PTPRS: variants seen among roughly 807,000 people sequenced by gnomAD.
PTPRS encodes the protein receptor-type tyrosine-protein phosphatase S.
Under a neutral mutation model 215.3 loss-of-function variants are expected in PTPRS, and 63 were observed. The observed-to-expected ratio is 0.29, with a 90% CI of 0.24 to 0.36. The LOEUF (loss-of-function observed/expected upper bound fraction) is 0.36, where lower values mean the gene tolerates loss of function less well. Among genes scored for constraint, PTPRS ranks in the 10% least tolerant of loss-of-function variants. The probability of loss-of-function intolerance (pLI) is 1.00; values close to 1 mark genes in which losing one functional copy is unlikely to be tolerated. For synonymous variants in PTPRS, 1,404 were observed against 1,191.4 expected (o/e 1.18, Z -3.68); for missense variants, 2,258 against 2,825.8 (o/e 0.80, Z 4.56).
intron 1 of PTPRS, among the ~76,000 whole-genome samples, chr19:5,322,117 C>T (rs2050038639): frequency 6.6e-6 from 1 of 152,202 alleles, no homozygotes; most frequent in East Asian, 1.9e-4. Context: ...TCTGAGGTTT[C>T]CTGACCTGAC....
intron 2 of PTPRS, chr19:5,277,884 G>A (rs1158102834): frequency 5.5e-6 from 6 of 1,092,602 alleles, no homozygotes; most frequent in Admixed American, 5.1e-5. Context: ...GAACGTTCAA[G>A]GGCCAGATCT....
intron 2 of PTPRS, among the ~76,000 whole-genome samples, chr19:5,275,394 T>C (rs1226764397): frequency 2.6e-5 from 4 of 151,758 alleles, no homozygotes; most frequent in Non-Finnish European, 4.4e-5. Context: ...TTTTCTTTTT[T>C]TTTTTCCTGA....
chr19:5,258,125 C>G lies in PTPRS; in HGVS notation c.598G>C (p.Ala200Pro). 1 of 1,613,742 alleles carries G rather than the reference C, an allele frequency of 6.2e-7. No homozygotes were observed. The highest frequency in any genetic ancestry group is 8.5e-7 in the Non-Finnish European group (1 of 1,179,620). ...TCCTCACTGCTTTCAATCTGCAGGG[C>G]TCCTGTGGGAAGATGGGAAAAAGCT... is the stretch of plus-strand genomic sequence containing the variant. The part of the protein sequence containing the change: ...ETFESTPIRG[A>P]LQIESSEETD... The change falls in exon 8 of 38, where the codon GCC becomes CCC. Residue 200 changes from alanine to proline, a missense_variant and splice_region_variant. This residue lies in a region of PTPRS where 508 missense variants were observed against 799.4 expected (regional missense o/e 0.64). Coordinates refer to ENST00000262963, the MANE Select transcript of PTPRS (RefSeq NM_002850.4).
intron 9 of PTPRS, among the ~76,000 whole-genome samples, chr19:5,253,563 G>T (rs1298977514): frequency 1.3e-5 from 2 of 152,178 alleles, no homozygotes; most frequent in African/African-American, 2.4e-5. Flanking sequence ...TGACAGTGGG[G>T]AAAATGAGAG....
intron 1 of PTPRS, among the ~76,000 whole-genome samples, chr19:5,297,832 G>A (rs755254536): frequency 2.1e-4 from 28 of 135,722 alleles, no homozygotes; most frequent in Non-Finnish European, 3.7e-4. Context: ...TCGTTCCATC[G>A]CCCAGGCTGG....
At chr19:5,281,049 C>T (rs28707324) in intron 2 of PTPRS, among the ~76,000 whole-genome samples, 5 of 151,922 alleles carry the variant, frequency 3.3e-5, no homozygotes, top group African/African-American at 1.2e-4. Context: ...ACCTCAGCCT[C>T]CCAAAGTGCT....
intron 2 of PTPRS, among the ~76,000 whole-genome samples, chr19:5,275,943 T>G (rs1252999181): frequency 6.6e-6 from 1 of 152,050 alleles, no homozygotes; most frequent in Non-Finnish European, 1.5e-5. Flanking sequence ...CTCAAACTCC[T>G]AGCCTCGAGC....
Position 5,220,166 on chromosome 19 carries a change from G to A in PTPRS, c.3550-12C>T, listed in dbSNP as rs372527254. 20 of 1,609,904 alleles carry A rather than the reference G, an allele frequency of 1.2e-5. No homozygotes were observed. The highest frequency in any genetic ancestry group is 1.7e-4 in the Middle Eastern group (1 of 6,052). Reference sequence around the variant, plus strand: ...ATGTCCTGGATGAGCTGCGGGAACAGAGTCATGGGTGGCTCAGAGCTCAGC... The same window carrying A: ...ATGTCCTGGATGAGCTGCGGGAACAAAGTCATGGGTGGCTCAGAGCTCAGC... On this transcript the variant is annotated splice_polypyrimidine_tract_variant and intron_variant, in intron 21 of 37. Transcript: ENST00000262963.
chr19:5,227,943 C>A (rs572003536), intron 16 of PTPRS, among the ~76,000 whole-genome samples: 1 of 152,064 alleles, frequency 6.6e-6, no homozygotes, highest in Non-Finnish European at 1.5e-5. Context: ...CACGCACCCC[C>A]CCAAGCACAG....
intron 16 of PTPRS, among the ~76,000 whole-genome samples, chr19:5,228,347 G>A (rs111301398): frequency 0.13 from 13,727 of 105,366 alleles, 1,780 homozygotes; most frequent in African/African-American, 0.33. Flanking sequence ...TCCGTCTGGA[G>A]AAAAAAAAAA....
At chr19:5,327,480 C>T (rs999955257) in intron 1 of PTPRS, among the ~76,000 whole-genome samples, 4 of 152,248 alleles carry the variant, frequency 2.6e-5, no homozygotes, top group Admixed American at 1.3e-4. Flanking sequence ...TTCAAACTTG[C>T]ACCATTCAAA....
In PTPRS at chr19:5,293,988, C is replaced by T. The variant is rs1199484116; in HGVS notation, c.-94-7754G>A. On this transcript the variant is annotated intron_variant, in intron 1 of 37. Transcript: ENST00000262963. The surrounding 1 kb of genome is among the most constrained non-coding windows in gnomAD (Gnocchi z 8.4). ...GCGGCCAATCCGAGCCAGCGTTGCG[C>T]CCGGGGTGCGGGTTTGAAAACTCCA... Among the ~76,000 whole-genome samples the T allele has an allele frequency of 6.6e-6, 1 of 152,176 alleles. No individual in the cohort carries two copies.
chr19:5,305,448 G>A (rs1401361831), intron 1 of PTPRS, among the ~76,000 whole-genome samples: 4 of 152,154 alleles, frequency 2.6e-5, no homozygotes, highest in African/African-American at 7.2e-5. Context: ...TCAGGAGGCT[G>A]AAGCAGGAGG....
intron 12 of PTPRS, among the ~76,000 whole-genome samples, chr19:5,239,339 CAG>C (rs774543549): frequency 3.8e-4 from 57 of 148,262 alleles, no homozygotes; most frequent in South Asian, 2.0e-3. Flanking sequence ...CAGAGAGAAA[CAG>C]GGGAGAGAGT....
At chr19:5,251,997 A>G (rs2045137755) in intron 9 of PTPRS, among the ~76,000 whole-genome samples, 1 of 30,296 alleles carries the variant, frequency 3.3e-5, no homozygotes, top group South Asian at 6.3e-4. Context: ...TAAGGGGAAC[A>G]CCTGGGGTCA....
rs760654596 is a variant in PTPRS at position 5,210,832 on chromosome 19, G to A, written c.5235-27C>T. The stretch of plus-strand genomic sequence containing the variant: ...TGCAGGCGTTGGGGGTATGAGCCCA[G>A]GGCCGGCAGGGAGACCCGGCGTGGT... On this transcript the variant is annotated intron_variant, in intron 33 of 37. Transcript: ENST00000262963. This position sits in a 1 kb window ranked among gnomAD's most constrained non-coding sequence, Gnocchi z 4.5. 1.2e-6 allele frequency: 2 copies of A among 1,607,832 alleles called. No individual in the cohort carries two copies. Among genetic ancestry groups the A allele is most frequent in the African/African-American group, 2.7e-5 (2 of 74,908 alleles).
At chr19:5,239,696 G>A (rs967386989) in intron 12 of PTPRS, among the ~76,000 whole-genome samples, 1 of 151,486 alleles carries the variant, frequency 6.6e-6, no homozygotes, top group African/African-American at 2.4e-5. Flanking sequence ...AATAGAGATA[G>A]AGACAGAAAT....
intron 30 of PTPRS, among the ~76,000 whole-genome samples, 200 bp from the exon 31 acceptor site, chr19:5,212,691 A>T (rs2041021485): frequency 6.6e-6 from 1 of 152,114 alleles, no homozygotes; most frequent in South Asian, 2.1e-4. Context: ...TAAAAATACA[A>T]AATTAGCTAG....
chr19:5,255,673 T>C (rs1043990956), intron 9 of PTPRS, among the ~76,000 whole-genome samples: 15 of 149,918 alleles, frequency 1.0e-4, no homozygotes, highest in African/African-American at 2.2e-4. Flanking sequence ...ACAGAAGGCG[T>C]TGGGAATTCA....
Sources: allele counts gnomAD v4.1 joint callset (sites outside exome capture counted in the v4.1 genomes callset), GRCh38; gene constraint gnomAD v4.1.1; regional missense constraint gnomAD v4.1.1; non-coding constraint Gnocchi (gnomAD v3.1); transcripts MANE v1.5; gene names NCBI Gene and HGNC (gene_info 2026-07-23, HGNC 2026-07-21).